Variants in CETP observed in about 807,000 individuals in gnomAD.
CETP encodes cholesteryl ester transfer protein.
A neutral mutation model predicts 66.5 loss-of-function variants in CETP; 56 were observed. The observed-to-expected ratio is 0.84, with a 90% CI of 0.68 to 1.05. The LOEUF (loss-of-function observed/expected upper bound fraction) is 1.05. Among genes scored for constraint, CETP ranks in the 50% least tolerant of loss-of-function variants. CETP has a pLI of 0.00. For missense variants in CETP, 612 were observed against 609.6 expected, an observed-to-expected ratio of 1.00 and a Z score of -0.04; for synonymous variants, 251 against 245.7, an observed-to-expected ratio of 1.02 and a Z score of -0.20.
chr16:56,979,613 C>G (rs1395211050), intron 11 of CETP, among the ~76,000 whole-genome samples: 1 of 151,790 alleles, frequency 6.6e-6, no homozygotes, highest in Non-Finnish European at 1.5e-5. Context: ...CTGGTTCAAG[C>G]GATTCGCGTG....
intron 2 of CETP, among the ~76,000 whole-genome samples, chr16:56,963,809 C>G (rs1596994054): frequency 6.6e-6 from 1 of 151,554 alleles, no homozygotes; most frequent in African/African-American, 2.4e-5. Flanking sequence ...GCTGGAATTA[C>G]AGGCACACGT....
At position 56,969,651 on chromosome 16, in the gene CETP, G is replaced by C; in HGVS notation, c.409G>C (p.Ala137Pro). 6 of 1,614,038 alleles carry C rather than the reference G, an allele frequency of 3.7e-6. No homozygotes were observed. Among genetic ancestry groups the C allele is most frequent in the Non-Finnish European group, 5.1e-6 (6 of 1,180,000 alleles). The change falls in exon 4 of 16, where the codon GCC becomes CCC. Residue 137 changes from alanine to proline, a missense_variant. By Grantham distance (27) the Ala-to-Pro change is conservative (BLOSUM62 -1). Transcript: ENST00000200676. ...GTCCATTGACTTCGAGATCGACTCT[G>C]CCATTGACCTCCAGATCAACACACA... Reference protein sequence around the residue: ...DQSIDFEIDSAIDLQINTQLT... With the variant: ...DQSIDFEIDSPIDLQINTQLT...
chr16:56,974,084 T>C (rs1567473225), intron 9 of CETP, among the ~76,000 whole-genome samples: 1 of 152,168 alleles, frequency 6.6e-6, no homozygotes, highest in Non-Finnish European at 1.5e-5. Context: ...CGGGTCTGGT[T>C]CCTTGGTTTC....
rs2056205635 is a variant in CETP, at chr16:56,983,779, A to T, written c.*113A>T. On this transcript the variant is annotated 3_prime_UTR_variant, in exon 16 of 16. Coordinates refer to ENST00000200676, the MANE Select transcript of CETP (RefSeq NM_000078.3). ...TGGAAGTTGGGTTAGGAGTACGGAG[A>T]TGGAGATTGGCTCCCAACTCCTCCC... The T allele has an allele frequency of 2.0e-6, 2 of 1,005,338 alleles. No homozygotes were observed. The highest frequency in any genetic ancestry group is 1.6e-5 in the African/African-American group (1 of 63,220). The allele number at this position is 1,005,338 out of a possible 1,614,324, so 62.3% of individuals were successfully genotyped here. A position where few individuals can be genotyped will look rare whatever the true frequency, so the allele number is the denominator to read the frequency against.
intron 2 of CETP, among the ~76,000 whole-genome samples, chr16:56,964,241 G>C (rs2056049054): frequency 6.6e-6 from 1 of 151,940 alleles, no homozygotes; most frequent in Non-Finnish European, 1.5e-5. Flanking sequence ...TGACCTGGTT[G>C]GTCTTAAACT....
rs766310314 is a variant in CETP at position 56,962,111 on chromosome 16, C to T, written c.118+14C>T. ...CCCTCCTGGTGTGTAAGTATCAGTG[C>T]ATCTGTCTGCCCTGCCAGGGGTCTT... On this transcript the variant is annotated intron_variant, in intron 1 of 15. Transcript: ENST00000200676. The T allele has an allele frequency of 6.3e-7, 1 of 1,599,628 alleles. No homozygotes were observed. The highest frequency in any genetic ancestry group is 1.7e-5 in the Admixed American group (1 of 60,014).
intron 10 of CETP, among the ~76,000 whole-genome samples, chr16:56,976,402 G>T (rs2056150160): frequency 6.6e-6 from 1 of 151,938 alleles, no homozygotes; most frequent in Non-Finnish European, 1.5e-5. Flanking sequence ...TTCCCACCCA[G>T]CGTAATTGTA....
At chr16:56,970,752 G>C (rs1490524530) in intron 5 of CETP, among the ~76,000 whole-genome samples, 3 of 152,200 alleles carry the variant, frequency 2.0e-5, no homozygotes, top group Non-Finnish European at 1.5e-5. Context: ...GGAGCAGACG[G>C]ATACATGTAT....
intron 2 of CETP, among the ~76,000 whole-genome samples, chr16:56,968,207 C>T (rs748038853): frequency 1.1e-4 from 17 of 150,336 alleles, no homozygotes; most frequent in African/African-American, 3.4e-4. Context: ...TTTTTTTTGG[C>T]GACAGTCTTG....
rs2056036743 is a variant in CETP, at chr16:56,963,075, G to A, written c.184G>A (p.Gly62Ser). The change falls in exon 2 of 16, where the codon GGC becomes AGC. Residue 62 changes from glycine to serine, a missense_variant. Gly to Ser is a moderately conservative substitution (Grantham distance 56). Transcript: ENST00000200676. ...GCGAGCCAGCTACCCAGATATCACG[G>A]GCGAGAAGGCCATGATGCTCCTTGG... is the stretch of plus-strand genomic sequence containing the variant. ...FQRASYPDITGEKAMMLLGQV... is the reference protein window; with the variant it reads ...FQRASYPDITSEKAMMLLGQV... 1.2e-6 allele frequency: 2 copies of A among 1,614,174 alleles called. No individual in the cohort carries two copies. The highest frequency in any genetic ancestry group is 1.1e-5 in the South Asian group (1 of 91,082).
At chr16:56,963,437 C>CA (rs5817082) in intron 2 of CETP, among the ~76,000 whole-genome samples, 51,001 of 151,876 alleles carry the variant, frequency 0.34, 10,082 homozygotes, top group African/African-American at 0.55. Flanking sequence ...AGAAAAATCT[C>CA]AACAAAATAA....
rs942516270 is a variant in CETP, at chr16:56,973,203, C to T, written c.751-128C>T. Reference sequence around the variant, plus strand: ...AAGCCCCGCTGGGGGAAACTGGGTACAGCTCTTTCCTCAGTTTCCCCATCT... The same window carrying T: ...AAGCCCCGCTGGGGGAAACTGGGTATAGCTCTTTCCTCAGTTTCCCCATCT... On this transcript the variant is annotated intron_variant, in intron 8 of 15. Coordinates refer to ENST00000200676, the MANE Select transcript of CETP (RefSeq NM_000078.3). 14 of 957,442 alleles carry T rather than the reference C, an allele frequency of 1.5e-5. No individual in the cohort carries two copies. In the African/African-American group the frequency reaches 2.1e-4, roughly 14 times the overall value. 59.3% of individuals were successfully genotyped at this position (957,442 alleles called of 1,614,324 possible).
intron 10 of CETP, among the ~76,000 whole-genome samples, chr16:56,975,828 C>T (rs2056146310): frequency 6.6e-6 from 1 of 152,130 alleles, no homozygotes; most frequent in Non-Finnish European, 1.5e-5. Context: ...CCACTTCCCT[C>T]TCCACACACA....
In CETP at chr16:56,962,021, T is replaced by C. The variant is rs763683938; in HGVS notation, c.42T>C (p.Asn14=). 6 of 1,614,144 alleles carry C rather than the reference T, an allele frequency of 3.7e-6. No homozygotes were observed. Among genetic ancestry groups the C allele is most frequent in the Middle Eastern group, 1.6e-4 (1 of 6,062 alleles). ...TCCTGACCCTGGCCCTGCTGGGCAA[T>C]GCCCATGCCTGCTCCAAAGGCACCT... The part of the protein sequence containing the change: ...ATVLTLALLG[N]AHACSKGTSH... The change falls in exon 1 of 16, where the codon AAT becomes AAC. Residue 14 remains asparagine, a synonymous_variant. Coordinates refer to ENST00000200676, the MANE Select transcript of CETP (RefSeq NM_000078.3).
intron 1 of CETP, 159 bp downstream of exon 1, chr16:56,962,256 A>G: frequency 1.3e-6 from 1 of 755,988 alleles, no homozygotes. Flanking sequence ...TGGAGCTGTC[A>G]TCACCCCCTC....
chr16:56,968,026 T>C (rs2056080557), intron 2 of CETP, among the ~76,000 whole-genome samples: 1 of 151,944 alleles, frequency 6.6e-6, no homozygotes, highest in Non-Finnish European at 1.5e-5. Context: ...AGTTGTTTCC[T>C]ATACCAGAAG....
In CETP at chr16:56,978,289, G is replaced by A. The variant is rs200755772; in HGVS notation, c.1146+34G>A. 48 of 1,613,480 alleles carry A rather than the reference G, an allele frequency of 3.0e-5. No homozygotes were observed. In the East Asian group the frequency reaches 7.8e-4, roughly 26 times the overall value. On this transcript the variant is annotated intron_variant, in intron 11 of 15. Transcript: ENST00000200676. The stretch of plus-strand genomic sequence containing the variant: ...GGTGCAGGGAGAGGTGGTGGTGGGG[G>A]AACCTGACTCACATATGGGCCGCAG...
rs750662640 is a variant in CETP at position 56,973,407 on chromosome 16, G to C, written c.827G>C (p.Arg276Pro). 6.2e-7 allele frequency: 1 copy of C among 1,614,148 alleles called. No homozygotes were observed. The highest frequency in any genetic ancestry group is 1.1e-5 in the South Asian group (1 of 91,082). Residue 276 changes from arginine to proline, a missense_variant, in exon 9 of 16, where the codon CGC becomes CCC. By Grantham distance (103) the Arg-to-Pro change is moderately radical. Transcript: ENST00000200676. ...TFSPTLLGDS[R>P]MLYFWFSERV... The stretch of plus-strand genomic sequence containing the variant: ...TCGCCCACACTGCTGGGGGACTCCC[G>C]CATGCTGTACTTCTGGTTCTCTGAG...
intron 5 of CETP, 114 bp downstream of exon 5, chr16:56,970,115 G>C: frequency 1.1e-6 from 1 of 935,722 alleles, no homozygotes; most frequent in Non-Finnish European, 1.7e-6. Context: ...GGCCAAACCT[G>C]AGGGCAGCAA....
Sources: gnomAD v4.1 joint callset for allele counts (sites outside exome capture counted in the v4.1 genomes callset) on GRCh38, gnomAD v4.1.1 for gene constraint, MANE v1.5 for transcripts, NCBI Gene and HGNC (gene_info 2026-07-23, HGNC 2026-07-21) for gene names.